TENM4: variants seen among roughly 807,000 people sequenced by gnomAD.
TENM4 encodes the protein teneurin transmembrane protein 4.
A neutral mutation model predicts 243.3 loss-of-function variants in TENM4; 82 were observed. That is an observed-to-expected ratio of 0.34 (90% CI 0.28 to 0.40). The LOEUF (loss-of-function observed/expected upper bound fraction) is 0.40. TENM4 is among the 10% of genes least tolerant of loss of function. The pLI, the probability that TENM4 is intolerant of heterozygous loss-of-function variation, is 1.00. For synonymous variants in TENM4, 1,412 were observed against 1,456.3 expected, an observed-to-expected ratio of 0.97 and a Z score of 0.69; for missense variants, 3,138 against 3,673.3, an observed-to-expected ratio of 0.85 and a Z score of 3.77.
At chr11:79,211,618 C>T (rs1189779065) in intron 3 of TENM4, among the ~76,000 whole-genome samples, 1 of 152,072 alleles carries the variant, frequency 6.6e-6, no homozygotes, top group Non-Finnish European at 1.5e-5. Flanking sequence ...TAAAACAATG[C>T]CACTCCATTC....
intron 12 of TENM4, among the ~76,000 whole-genome samples, chr11:78,824,940 C>G (rs1857818437): frequency 6.6e-6 from 1 of 152,238 alleles, no homozygotes; most frequent in Non-Finnish European, 1.5e-5. Flanking sequence ...TACATTCCAA[C>G]TGGTATCTAT....
intron 18 of TENM4, among the ~76,000 whole-genome samples, chr11:78,759,338 G>A (rs1426817497): frequency 6.6e-6 from 1 of 152,226 alleles, no homozygotes; most frequent in East Asian, 1.9e-4. Context: ...TTCTGCTATT[G>A]ATGTTAGCAT....
At chr11:78,888,112 C>T (rs667105) in intron 9 of TENM4, among the ~76,000 whole-genome samples, 120,203 of 152,162 alleles carry the variant, frequency 0.79, 49,974 homozygotes, top group Non-Finnish European at 0.92. Flanking sequence ...CCTCACAGAG[C>T]CTGGGTAGGC....
At chr11:78,872,072 T>G (rs1859145905) in intron 9 of TENM4, among the ~76,000 whole-genome samples, 1 of 152,194 alleles carries the variant, frequency 6.6e-6, no homozygotes, top group South Asian at 2.1e-4. Flanking sequence ...CTACTTTAAT[T>G]TTCTATCTCT....
chr11:78,967,795 G>A (rs781443840), intron 6 of TENM4, among the ~76,000 whole-genome samples: 8 of 152,156 alleles, frequency 5.3e-5, no homozygotes, highest in Non-Finnish European at 7.3e-5. Flanking sequence ...CCTCACACCC[G>A]ACTCCAACAA....
At chr11:79,243,912 G>A (rs1475870532) in intron 2 of TENM4, among the ~76,000 whole-genome samples, 1 of 152,192 alleles carries the variant, frequency 6.6e-6, no homozygotes, top group Non-Finnish European at 1.5e-5. Context: ...TAATGTGGAC[G>A]AGATTCAACT....
chr11:78,870,917 T>C (rs1355647862), intron 9 of TENM4, among the ~76,000 whole-genome samples: 1 of 152,182 alleles, frequency 6.6e-6, no homozygotes, highest in African/African-American at 2.4e-5. Flanking sequence ...ATTATTGCAG[T>C]AATAGAATAA....
At chr11:78,976,303 C>CA (rs200826728) in intron 6 of TENM4, among the ~76,000 whole-genome samples, 4 of 151,618 alleles carry the variant, frequency 2.6e-5, no homozygotes, top group Admixed American at 2.0e-4. Context: ...ATGAACCAGG[C>CA]AAAAAACCAA....
intron 4 of TENM4, among the ~76,000 whole-genome samples, chr11:79,107,507 A>G (rs568388581): frequency 2.0e-5 from 3 of 152,306 alleles, no homozygotes; most frequent in South Asian, 2.1e-4. Context: ...CTCAGCTAGG[A>G]TATCACTAGC....
intron 1 of TENM4, among the ~76,000 whole-genome samples, chr11:79,371,739 A>G (rs1857790934): frequency 6.6e-6 from 1 of 152,204 alleles, no homozygotes; most frequent in South Asian, 2.1e-4. Context: ...TGTTGTTAAT[A>G]TGATAATTGT....
At chr11:78,790,353 T>C (rs59934122) in intron 15 of TENM4, among the ~76,000 whole-genome samples, 2,571 of 152,328 alleles carry the variant, frequency 0.017, 70 homozygotes, top group African/African-American at 0.059. Context: ...TCATTGAGCC[T>C]TGCTTTCCAT....
chr11:78,835,818 T>C (rs1397060012), intron 12 of TENM4, among the ~76,000 whole-genome samples: 1 of 152,150 alleles, frequency 6.6e-6, no homozygotes, highest in African/African-American at 2.4e-5. Context: ...TCTGAGCTCA[T>C]CACAGTCACA....
intron 16 of TENM4, among the ~76,000 whole-genome samples, chr11:78,779,917 T>G (rs560989078): frequency 6.6e-6 from 1 of 152,250 alleles, no homozygotes; most frequent in African/African-American, 2.4e-5. Flanking sequence ...CATCACTATA[T>G]ATTAGCCTCA....
chr11:79,423,503 C>G (rs937654662), intron 1 of TENM4, among the ~76,000 whole-genome samples: 1 of 149,694 alleles, frequency 6.7e-6, no homozygotes, highest in East Asian at 2.0e-4. Flanking sequence ...GCTCCTGTCT[C>G]GTTCAAGCCA....
At chr11:79,368,435 A>T (rs891861613) in intron 1 of TENM4, among the ~76,000 whole-genome samples, 28 of 152,160 alleles carry the variant, frequency 1.8e-4, no homozygotes, top group Non-Finnish European at 3.2e-4. Context: ...TACAGAGGCC[A>T]CCCTTGGCCA....
intron 1 of TENM4, among the ~76,000 whole-genome samples, chr11:79,311,117 A>G (rs893858770): frequency 6.6e-6 from 1 of 152,172 alleles, no homozygotes; most frequent in African/African-American, 2.4e-5. Flanking sequence ...AGCTAACACA[A>G]TGGAAACCAT....
In TENM4 at chr11:78,658,808, G is replaced by A. The variant is rs754653369; in HGVS notation, c.7560C>T (p.Leu2520=). Residue 2520 remains leucine, a synonymous_variant, in exon 34 of 34, where the codon CTC becomes CTT. Coordinates refer to ENST00000278550, the MANE Select transcript of TENM4 (RefSeq NM_001098816.3). ...TQEWDNSKSI[L]GVQCEVQKQL... ...GCTTCTGTACTTCACACTGTACCCC[G>A]AGGATAGACTGATGGGGGAGGAGAG... is the stretch of plus-strand genomic sequence containing the variant. 41 of 1,608,710 alleles carry A rather than the reference G, an allele frequency of 2.5e-5. No individual in the cohort carries two copies. Among genetic ancestry groups the A allele is most frequent in the Middle Eastern group, 1.8e-4 (1 of 5,536 alleles).
intron 19 of TENM4, among the ~76,000 whole-genome samples, chr11:78,755,167 G>GT (rs201489577): frequency 1.4e-4 from 21 of 151,500 alleles, no homozygotes; most frequent in East Asian, 1.4e-3. Flanking sequence ...CTTGAGCAAG[G>GT]TTTTTTTTTC....
chr11:78,955,591 C>A (rs1326425865), intron 6 of TENM4, among the ~76,000 whole-genome samples: 1 of 152,088 alleles, frequency 6.6e-6, no homozygotes, highest in Non-Finnish European at 1.5e-5. Context: ...ATTTTTGTAC[C>A]TTTTAATGCA....
Sources: allele counts gnomAD v4.1 joint callset (sites outside exome capture counted in the v4.1 genomes callset), GRCh38; gene constraint gnomAD v4.1.1; transcripts MANE v1.5; gene names NCBI Gene and HGNC (gene_info 2026-07-23, HGNC 2026-07-21).